The following CYP19A1 variants were observed in gnomAD, a reference collection of about 807,000 sequenced individuals.
CYP19A1 encodes cytochrome P450 family 19 subfamily A member 1.
Under a neutral mutation model 44.4 loss-of-function variants are expected in CYP19A1, and 32 were observed. The ratio of observed to expected loss-of-function variants is 0.72; its 90% confidence interval spans 0.54 to 0.97. The LOEUF (loss-of-function observed/expected upper bound fraction) is 0.97, where lower values mean the gene tolerates loss of function less well. Ranked by LOEUF, CYP19A1 falls within the 50% of genes least tolerant of loss-of-function variation. The probability of loss-of-function intolerance (pLI) is 0.00; values close to 1 mark genes in which losing one functional copy is unlikely to be tolerated. For missense variants in CYP19A1, 598 were observed against 637.8 expected (o/e 0.94, Z 0.67); for synonymous variants, 212 against 215.6 (o/e 0.98, Z 0.14).
chr15:51,298,584 G>C (rs1476014120), intron 1 of CYP19A1, among the ~76,000 whole-genome samples: 1 of 152,182 alleles, frequency 6.6e-6, no homozygotes. Flanking sequence ...TGGTTTCTAA[G>C]GACTCTTCTA....
chr15:51,302,142 C>T (rs2036126636), intron 1 of CYP19A1, among the ~76,000 whole-genome samples: 1 of 152,052 alleles, frequency 6.6e-6, no homozygotes. Context: ...TCTTTTTTTT[C>T]ACCTCTACCT....
intron 2 of CYP19A1, among the ~76,000 whole-genome samples, chr15:51,239,759 G>C (rs78918417): frequency 0.029 from 4,364 of 152,280 alleles, 197 homozygotes; most frequent in African/African-American, 0.1. Context: ...CATCCGCTTT[G>C]TCAGGCTGCA....
chr15:51,314,479 G>A (rs1056130700), intron 1 of CYP19A1, among the ~76,000 whole-genome samples: 17 of 152,140 alleles, frequency 1.1e-4, no homozygotes, highest in Non-Finnish European at 2.2e-4. Flanking sequence ...TTCTGGGAGA[G>A]TGATGAGATT....
chr15:51,263,400 G>A (rs920776963), intron 1 of CYP19A1, among the ~76,000 whole-genome samples: 3 of 152,206 alleles, frequency 2.0e-5, no homozygotes, highest in Non-Finnish European at 2.9e-5. Context: ...ATAAAGTAGA[G>A]GCAGTGCCTA....
Position 51,215,134 on chromosome 15 carries a change from T to C in CYP19A1, c.957A>G (p.Leu319=), listed in dbSNP as rs756679571. The change falls in exon 8 of 10, where the codon CTA becomes CTG. Residue 319 remains leucine (L), a synonymous_variant. Coordinates refer to ENST00000396402, the MANE Select transcript of CYP19A1 (RefSeq NM_000103.4). Reference sequence around the variant, plus strand: ...CATTAGGGTGCTTTGCAATGAGAAATAGCATGAAGAACAAAGAGACAGACA... The same window carrying C: ...CATTAGGGTGCTTTGCAATGAGAAACAGCATGAAGAACAAAGAGACAGACA... ...DTMSVSLFFM[L]FLIAKHPNVE... is the part of the protein sequence containing the mutation. 15 of 1,613,956 alleles carry C rather than the reference T, an allele frequency of 9.3e-6. No homozygotes were observed. Among genetic ancestry groups the C allele is most frequent in the African/African-American group, 2.7e-5 (2 of 74,926 alleles).
chr15:51,311,562 A>T (rs190621825), intron 1 of CYP19A1, among the ~76,000 whole-genome samples: 1 of 152,368 alleles, frequency 6.6e-6, no homozygotes, highest in African/African-American at 2.4e-5. Context: ...AAATATTTGA[A>T]AAAACAATGG....
intron 1 of CYP19A1, among the ~76,000 whole-genome samples, chr15:51,257,881 G>T (rs2034573164): frequency 6.6e-6 from 1 of 152,152 alleles, no homozygotes; most frequent in Non-Finnish European, 1.5e-5. Context: ...GTACATACTG[G>T]TAAATGTACA....
intron 1 of CYP19A1, among the ~76,000 whole-genome samples, chr15:51,250,373 C>T (rs977284207): frequency 1.3e-5 from 2 of 152,198 alleles, no homozygotes; most frequent in African/African-American, 2.4e-5. Context: ...TTCACAATGA[C>T]TTATTGGCTG....
chr15:51,286,106 C>T (rs2140980988), intron 1 of CYP19A1, among the ~76,000 whole-genome samples: 1 of 152,216 alleles, frequency 6.6e-6, no homozygotes, highest in Non-Finnish European at 1.5e-5. Context: ...AAAGATTTGC[C>T]CTCTCACCCG....
chr15:51,218,758 A>T, intron 5 of CYP19A1, 103 bp from the exon 6 acceptor site: 1 of 1,530,104 alleles, frequency 6.5e-7, no homozygotes, highest in Admixed American at 2.0e-5. Context: ...AGATTCTCCT[A>T]ACAGTCTGGG....
intron 1 of CYP19A1, among the ~76,000 whole-genome samples, chr15:51,325,585 A>C (rs2141025963): frequency 6.6e-6 from 1 of 152,308 alleles, no homozygotes; most frequent in East Asian, 1.9e-4. Context: ...CATGCCTGTA[A>C]TCCCAGCACT....
rs57921193 is a variant in CYP19A1, at chr15:51,227,672, CAATAAATAAATA to C, written c.451+95_451+106del. On this transcript the variant is annotated intron_variant, in intron 4 of 9. Transcript: ENST00000396402. ...TGGGTGATAGAGTCAGAGCCTGTCT[CAATAAATAAATA>C]AATAAATAAATAAATAAAATATTTT... The C allele has an allele frequency of 1.9e-5, 5 of 256,480 alleles. 1 individual carries two copies. Among genetic ancestry groups the C allele is most frequent in the South Asian group, 1.5e-4 (2 of 13,452 alleles). The allele number at this position is 256,480 out of a possible 1,614,324, so 15.9% of individuals were successfully genotyped here.
chr15:51,215,949 T>G, intron 6 of CYP19A1, 132 bp from the exon 7 acceptor site: 1 of 1,483,402 alleles, frequency 6.7e-7, no homozygotes, highest in Non-Finnish European at 9.0e-7. Flanking sequence ...GTAAGTGAAT[T>G]ACTATTTTAT....
intron 1 of CYP19A1, among the ~76,000 whole-genome samples, chr15:51,259,696 C>T (rs2034643668): frequency 6.6e-6 from 1 of 152,156 alleles, no homozygotes; most frequent in African/African-American, 2.4e-5. Context: ...AAAGAAGGTG[C>T]TAGGGCTGCA....
chr15:51,302,253 G>A (rs1424665213), intron 1 of CYP19A1, among the ~76,000 whole-genome samples: 1 of 152,136 alleles, frequency 6.6e-6, no homozygotes, highest in African/African-American at 2.4e-5. Flanking sequence ...AGCAGTCCTG[G>A]GCATATTCAC....
intron 3 of CYP19A1, among the ~76,000 whole-genome samples, chr15:51,233,912 G>C (rs556833282): frequency 4.6e-5 from 7 of 152,148 alleles, no homozygotes; most frequent in Non-Finnish European, 1.0e-4. Context: ...CAGATGGACC[G>C]TGCCTCCACG....
chr15:51,319,306 T>A (rs1566925029), intron 1 of CYP19A1, among the ~76,000 whole-genome samples: 1 of 152,278 alleles, frequency 6.6e-6, no homozygotes, highest in African/African-American at 2.4e-5. Context: ...TATTTCCCTA[T>A]ACGCACTGTA....
intron 1 of CYP19A1, among the ~76,000 whole-genome samples, chr15:51,282,819 C>CG (rs1437645131): frequency 1.1e-4 from 16 of 152,262 alleles, no homozygotes; most frequent in Admixed American, 6.5e-4. Context: ...GCTGAGGGCT[C>CG]GGAAGAACCA....
chr15:51,222,504 A>G lies in CYP19A1; in HGVS notation c.473T>C (p.Val158Ala). ...FMKALSGPGL[V>A]RMVTVCAESL... ...TTCAGCACAGACTGTGACCATACGA[A>G]CAAGGCCGGGGCCTGACAGAGCTGC... Residue 158 changes from valine (V) to alanine (A), a missense_variant, in exon 5 of 10, where the codon GTT becomes GCT. Transcript: ENST00000396402. 2 of 1,614,016 alleles carry G rather than the reference A, an allele frequency of 1.2e-6. No individual in the cohort carries two copies. The highest frequency in any genetic ancestry group is 1.7e-6 in the Non-Finnish European group (2 of 1,179,942).
Sources: gnomAD v4.1 joint callset for allele counts (sites outside exome capture counted in the v4.1 genomes callset) on GRCh38, gnomAD v4.1.1 for gene constraint, MANE v1.5 for transcripts, NCBI Gene and HGNC (gene_info 2026-07-23, HGNC 2026-07-21) for gene names.